NPAS3: variants seen among roughly 807,000 people sequenced by gnomAD.
NPAS3 encodes the protein neuronal PAS domain protein 3.
In NPAS3, 14 loss-of-function variants were observed where a neutral mutation model predicts 73.1. The observed-to-expected ratio is 0.19, with a 90% CI of 0.13 to 0.30. NPAS3 has a LOEUF of 0.30. Ranked by LOEUF, NPAS3 falls within the 10% of genes least tolerant of loss-of-function variation. The pLI, the probability that NPAS3 is intolerant of heterozygous loss-of-function variation, is 1.00. For synonymous variants in NPAS3, 620 were observed against 541.5 expected (o/e 1.14, Z -2.01); for missense variants, 1,096 against 1,250.0 (o/e 0.88, Z 1.86).
chr14:33,800,697 A>T lies in NPAS3; in HGVS notation c.2390A>T (p.Gln797Leu). ...GACCTGGAGGCGCTGCAGAGGTTGC[A>T]GGCGGGCAACGTCGTGCTCCCGCTG... Residue 797 changes from glutamine (Q) to leucine (L), a missense_variant, in exon 12 of 12, where the codon CAG becomes CTG. Physicochemically the swap from Gln to Leu is moderately radical, Grantham distance 113. This residue lies in a region of NPAS3 where 698 missense variants were observed against 676.7 expected (regional missense o/e 1.03). Coordinates refer to ENST00000356141, the Ensembl canonical transcript of NPAS3. This position sits in a 1 kb window ranked among gnomAD's most constrained non-coding sequence, Gnocchi z 6.5. The T allele has an allele frequency of 6.5e-7, 1 of 1,547,154 alleles. No homozygotes were observed. Among genetic ancestry groups the T allele is most frequent in the South Asian group, 1.2e-5 (1 of 84,140 alleles).
chr14:33,009,972 G>A (rs940276329), intron 1 of NPAS3, among the ~76,000 whole-genome samples: 4 of 152,098 alleles, frequency 2.6e-5, no homozygotes, highest in African/African-American at 7.2e-5. Context: ...CATTGCATTC[G>A]TTCCACGATT....
At chr14:33,303,827 GTC>G (rs1460371211) in intron 3 of NPAS3, among the ~76,000 whole-genome samples, 6 of 152,224 alleles carry the variant, frequency 3.9e-5, no homozygotes, top group African/African-American at 1.4e-4. Flanking sequence ...CCAGTAACTT[GTC>G]TTGTTGTGGT....
chr14:33,652,869 C>A (rs2059037047), intron 5 of NPAS3, among the ~76,000 whole-genome samples: 1 of 152,116 alleles, frequency 6.6e-6, no homozygotes. Flanking sequence ...GACATCATCC[C>A]CTTGCTTGCT....
chr14:33,015,406 A>C (rs750838415), intron 1 of NPAS3, among the ~76,000 whole-genome samples: 2 of 152,198 alleles, frequency 1.3e-5, no homozygotes, highest in Non-Finnish European at 2.9e-5. Context: ...AGGGTGAATG[A>C]AGGTCCTGAA....
chr14:33,272,824 A>G (rs1392922059), intron 3 of NPAS3, among the ~76,000 whole-genome samples: 1 of 152,192 alleles, frequency 6.6e-6, no homozygotes, highest in Admixed American at 6.5e-5. Context: ...ACTTTGGGAG[A>G]AACAAAACTC....
chr14:33,515,930 G>A (rs2053274773), intron 4 of NPAS3, among the ~76,000 whole-genome samples: 1 of 152,116 alleles, frequency 6.6e-6, no homozygotes, highest in Non-Finnish European at 1.5e-5. Context: ...CGACATGGAT[G>A]CATTACTGCA....
chr14:33,467,909 G>A (rs914912395), intron 4 of NPAS3, among the ~76,000 whole-genome samples: 7 of 152,190 alleles, frequency 4.6e-5, no homozygotes, highest in African/African-American at 1.7e-4. Context: ...CACGTCAGAA[G>A]AGACTTGAAC....
At chr14:33,523,571 T>G (rs1239284517) in intron 4 of NPAS3, among the ~76,000 whole-genome samples, 2 of 151,720 alleles carry the variant, frequency 1.3e-5, no homozygotes, top group African/African-American at 4.8e-5. Context: ...GAAATTAGCC[T>G]GGCCAACATG....
At chr14:33,158,893 T>C (rs2044745510) in intron 2 of NPAS3, among the ~76,000 whole-genome samples, 2 of 152,230 alleles carry the variant, frequency 1.3e-5, no homozygotes. Context: ...CCGGGCGCAG[T>C]GGCTAATGCC....
intron 5 of NPAS3, among the ~76,000 whole-genome samples, chr14:33,640,976 C>G (rs1321518523): frequency 6.6e-6 from 1 of 152,130 alleles, no homozygotes; most frequent in Non-Finnish European, 1.5e-5. Flanking sequence ...GAAAGGTACC[C>G]AAGTGTTACT....
rs74042039 is a variant in NPAS3 at position 33,327,278 on chromosome 14, C to T, written c.386-39908C>T. The stretch of plus-strand genomic sequence containing the variant: ...TGTCATATTGAGTGCATGCTATGTA[C>T]GACACGCTGTGCTAAAAGTTGTATG... On this transcript the variant is annotated intron_variant, in intron 3 of 11. Transcript: ENST00000356141. 5.6e-3 allele frequency among the ~76,000 whole-genome samples: 856 copies of T among 152,262 alleles called. 12 individuals carry two copies. The highest frequency in any genetic ancestry group is 0.02 in the African/African-American group (811 of 41,556).
chr14:33,244,472 C>T (rs2139846924), intron 3 of NPAS3, among the ~76,000 whole-genome samples: 1 of 151,720 alleles, frequency 6.6e-6, no homozygotes, highest in African/African-American at 2.4e-5. Context: ...CTTGTGGCTT[C>T]TGCTATCTTG....
At chr14:33,165,151 G>A (rs73270595) in intron 2 of NPAS3, among the ~76,000 whole-genome samples, 2 of 152,048 alleles carry the variant, frequency 1.3e-5, no homozygotes, top group Non-Finnish European at 2.9e-5. Flanking sequence ...CTAGGTGCCA[G>A]GCATTGGACT....
intron 4 of NPAS3, among the ~76,000 whole-genome samples, chr14:33,467,853 C>T (rs1016904917): frequency 6.6e-6 from 1 of 152,090 alleles, no homozygotes; most frequent in Non-Finnish European, 1.5e-5. Context: ...GAGTTTTTCC[C>T]CAGAGAACAA....
chr14:33,773,136 G>A (rs2062705920), intron 7 of NPAS3, among the ~76,000 whole-genome samples: 1 of 152,202 alleles, frequency 6.6e-6, no homozygotes, highest in South Asian at 2.1e-4. Context: ...CTGGGAAGGA[G>A]AGCAGACGCG....
At chr14:33,513,100 G>C (rs888384277) in intron 4 of NPAS3, among the ~76,000 whole-genome samples, 3 of 151,994 alleles carry the variant, frequency 2.0e-5, no homozygotes, top group African/African-American at 4.8e-5. Flanking sequence ...CTTTAAAAAG[G>C]AGACGTTAGG....
chr14:33,689,488 G>C (rs2060175964), intron 6 of NPAS3, among the ~76,000 whole-genome samples: 1 of 152,098 alleles, frequency 6.6e-6, no homozygotes, highest in African/African-American at 2.4e-5. Context: ...TGGCATCTAG[G>C]CATGAACAGC....
intron 2 of NPAS3, among the ~76,000 whole-genome samples, chr14:33,174,760 G>C (rs2045522803): frequency 6.6e-6 from 1 of 152,158 alleles, no homozygotes; most frequent in Non-Finnish European, 1.5e-5. Context: ...ATAGGAGCAA[G>C]GAAGAAATTT....
chr14:33,792,686 G>A (rs2063395925), intron 9 of NPAS3, among the ~76,000 whole-genome samples: 1 of 152,180 alleles, frequency 6.6e-6, no homozygotes, highest in African/African-American at 2.4e-5. Context: ...TACGTCTTTA[G>A]GACTCTGGCT....
Sources: gnomAD v4.1 joint callset for allele counts (sites outside exome capture counted in the v4.1 genomes callset) on GRCh38, gnomAD v4.1.1 for gene constraint, gnomAD v4.1.1 regional missense constraint, Gnocchi (gnomAD v3.1) non-coding constraint, MANE v1.5 for transcripts, NCBI Gene and HGNC (gene_info 2026-07-23, HGNC 2026-07-21) for gene names.